The following PRKAG2 variants were observed in gnomAD, a reference collection of about 807,000 sequenced individuals.
PRKAG2 encodes the protein protein kinase AMP-activated non-catalytic subunit gamma 2.
A neutral mutation model predicts 69.6 loss-of-function variants in PRKAG2; 26 were observed. That is an observed-to-expected ratio of 0.37 (90% CI 0.27 to 0.52). The LOEUF is 0.52. PRKAG2 is among the 20% of genes least tolerant of loss of function. The pLI is 0.90. For missense variants in PRKAG2, 557 were observed against 740.0 expected (o/e 0.75, Z 2.87); for synonymous variants, 293 against 285.0 (o/e 1.03, Z -0.28).
intron 1 of PRKAG2, among the ~76,000 whole-genome samples, chr7:151,818,144 A>T (rs1193780789): frequency 6.6e-6 from 1 of 152,182 alleles, no homozygotes; most frequent in African/African-American, 2.4e-5. Flanking sequence ...GGGCCTTATG[A>T]TATTACATAA....
intron 1 of PRKAG2, among the ~76,000 whole-genome samples, chr7:151,801,178 T>C (rs1036775203): frequency 6.6e-6 from 1 of 152,158 alleles, no homozygotes; most frequent in Non-Finnish European, 1.5e-5. Flanking sequence ...GAGAGGTCAA[T>C]TCTTCCTGTA....
chr7:151,855,313 C>T (rs2079718721), intron 1 of PRKAG2, among the ~76,000 whole-genome samples: 1 of 1,668 alleles, frequency 6.0e-4, no homozygotes, highest in Non-Finnish European at 1.1e-3. Flanking sequence ...TCCACACACA[C>T]CACCCTCCCA....
intron 3 of PRKAG2, among the ~76,000 whole-genome samples, chr7:151,762,317 A>G (rs554217576): frequency 2.0e-5 from 3 of 152,326 alleles, no homozygotes; most frequent in Middle Eastern, 3.4e-3. Flanking sequence ...GAATGAGCCC[A>G]ATGGAGGAAG....
In PRKAG2 at chr7:151,647,489, G is replaced by A. The variant is rs145790984; in HGVS notation, c.685-15351C>T. On this transcript the variant is annotated intron_variant, in intron 4 of 15. Coordinates refer to ENST00000287878, the MANE Select transcript of PRKAG2 (RefSeq NM_016203.4). Reference sequence around the variant, plus strand: ...AATTTAAATAATAAAAAGCTATAGCGACTGCATTGTGGGCACAAATGCTAA... The same window carrying A: ...AATTTAAATAATAAAAAGCTATAGCAACTGCATTGTGGGCACAAATGCTAA... Among the ~76,000 whole-genome samples the A allele has an allele frequency of 2.8e-4, 42 of 152,302 alleles. No homozygotes were observed. The East Asian group carries it at 6.4e-3, about 23-fold the overall frequency.
Position 151,807,315 on chromosome 7 carries a change from C to A in PRKAG2, c.115-20774G>T. 4 of 425,026 alleles carry A rather than the reference C, an allele frequency of 9.4e-6. No individual in the cohort carries two copies. Among genetic ancestry groups the A allele is most frequent in the South Asian group, 6.7e-5 (4 of 59,456 alleles). 26.3% of individuals were successfully genotyped at this position (425,026 alleles called of 1,614,324 possible). ...GAAGAAAAACAAGCAATCTACAGAA[C>A]GTGGGAAAATGCCTATATTAAGAAT... On this transcript the variant is annotated intron_variant, in intron 1 of 15. Coordinates refer to ENST00000287878, the MANE Select transcript of PRKAG2 (RefSeq NM_016203.4). The surrounding 1 kb of genome is among the most constrained non-coding windows in gnomAD (Gnocchi z 4.4).
At chr7:151,570,141 T>C in intron 10 of PRKAG2, 30 bp downstream of exon 10, 4 of 1,588,098 alleles carry the variant, frequency 2.5e-6, no homozygotes, top group Non-Finnish European at 3.4e-6. Flanking sequence ...TCTGAATGAA[T>C]GTTTTCAAAG....
At chr7:151,624,907 C>T (rs1026724856) in intron 5 of PRKAG2, among the ~76,000 whole-genome samples, 1 of 152,158 alleles carries the variant, frequency 6.6e-6, no homozygotes. Flanking sequence ...ATAACATTGA[C>T]CACCTGAAGT....
chr7:151,558,058 C>A (rs1055204411), intron 15 of PRKAG2: 1 of 985,318 alleles, frequency 1.0e-6, no homozygotes. Flanking sequence ...TGAAAGAGAT[C>A]GGCAATCTAT....
intron 3 of PRKAG2, among the ~76,000 whole-genome samples, chr7:151,755,270 C>G (rs1586305352): frequency 6.6e-6 from 1 of 152,128 alleles, no homozygotes; most frequent in East Asian, 1.9e-4. Context: ...ATCTGGGAGG[C>G]ACGGCACAGC....
At position 151,814,755 on chromosome 7, in the gene PRKAG2, T is replaced by C. The variant is rs1183406075; in HGVS notation, c.115-28214A>G. The C allele has an allele frequency of 8.1e-7, 1 of 1,231,564 alleles. No individual in the cohort carries two copies. The highest frequency in any genetic ancestry group is 1.6e-5 in the African/African-American group (1 of 64,412). 76.3% of individuals were successfully genotyped at this position (1,231,564 alleles called of 1,614,324 possible). On this transcript the variant is annotated intron_variant, in intron 1 of 15. Transcript: ENST00000287878. This position sits in a 1 kb window ranked among gnomAD's most constrained non-coding sequence, Gnocchi z 4.8. ...AAGACAGCGCAGGCAACGGTCTTGG[T>C]GGCTGGAGCTGCTTTGCTGCTCAAA...
At chr7:151,698,960 C>T (rs980333453) in intron 3 of PRKAG2, among the ~76,000 whole-genome samples, 12 of 152,206 alleles carry the variant, frequency 7.9e-5, no homozygotes, top group Non-Finnish European at 1.2e-4. Flanking sequence ...GAAAACCCAC[C>T]TCTGCAAGAA....
At chr7:151,732,008 T>C (rs1256706560) in intron 3 of PRKAG2, among the ~76,000 whole-genome samples, 2 of 152,142 alleles carry the variant, frequency 1.3e-5, no homozygotes, top group Non-Finnish European at 2.9e-5. Context: ...CAACTAACTA[T>C]TTTTTGTAGA....
At chr7:151,760,866 C>T (rs978629589) in intron 3 of PRKAG2, among the ~76,000 whole-genome samples, 34 of 152,278 alleles carry the variant, frequency 2.2e-4, no homozygotes, top group Admixed American at 3.3e-4. Context: ...AGCCAAACAG[C>T]GCACCTTGTC....
At chr7:151,870,813 G>T (rs1295506908) in intron 1 of PRKAG2, among the ~76,000 whole-genome samples, 5 of 152,244 alleles carry the variant, frequency 3.3e-5, no homozygotes, top group Non-Finnish European at 7.3e-5. Flanking sequence ...GCGGGGGGAG[G>T]CACCGCTGGC....
chr7:151,816,388 C>T (rs1393093167), intron 1 of PRKAG2, among the ~76,000 whole-genome samples: 2 of 152,158 alleles, frequency 1.3e-5, no homozygotes, highest in African/African-American at 4.8e-5. Context: ...CTCAAGGTCC[C>T]TTTCAGACCA....
chr7:151,753,493 G>A (rs923008274), intron 3 of PRKAG2, among the ~76,000 whole-genome samples: 8 of 152,062 alleles, frequency 5.3e-5, no homozygotes, highest in South Asian at 2.1e-4. Context: ...TGCTAACATC[G>A]GGCAATCTGG....
At chr7:151,800,767 C>T (rs944765466) in intron 1 of PRKAG2, among the ~76,000 whole-genome samples, 8 of 152,160 alleles carry the variant, frequency 5.3e-5, no homozygotes, top group South Asian at 2.1e-4. Context: ...ATCACACACA[C>T]GACATCACAC....
intron 3 of PRKAG2, among the ~76,000 whole-genome samples, chr7:151,687,546 C>T (rs566164249): frequency 2.6e-5 from 4 of 152,210 alleles, no homozygotes; most frequent in South Asian, 2.1e-4. Context: ...TGAACTCTGC[C>T]GAATGTGATA....
chr7:151,830,613 C>T (rs542187932), intron 1 of PRKAG2, among the ~76,000 whole-genome samples: 3 of 151,998 alleles, frequency 2.0e-5, no homozygotes, highest in East Asian at 1.9e-4. Flanking sequence ...TGTGCCTCCC[C>T]GGCCCTCCCG....
Sources: allele counts gnomAD v4.1 joint callset (sites outside exome capture counted in the v4.1 genomes callset), GRCh38; gene constraint gnomAD v4.1.1; non-coding constraint Gnocchi (gnomAD v3.1); transcripts MANE v1.5; gene names NCBI Gene and HGNC (gene_info 2026-07-23, HGNC 2026-07-21).